AIDA: variants seen among roughly 807,000 people sequenced by gnomAD.
The protein encoded by AIDA is axin interactor, dorsalization-associated protein.
A neutral mutation model predicts 42.7 loss-of-function variants in AIDA; 18 were observed. That is an observed-to-expected ratio of 0.42 (90% CI 0.29 to 0.63). The LOEUF (loss-of-function observed/expected upper bound fraction) is 0.63. Ranked by LOEUF, AIDA falls within the 20% of genes least tolerant of loss-of-function variation. The pLI is 0.19. For missense variants in AIDA, 250 were observed against 354.1 expected (o/e 0.71, Z 2.36); for synonymous variants, 104 against 122.9 (o/e 0.85, Z 1.02).
At chr1:222,703,251 G>A (rs1285172440) in intron 1 of AIDA, 34 bp from the exon 2 acceptor site, 2 of 1,519,030 alleles carry the variant, frequency 1.3e-6, no homozygotes, top group South Asian at 1.2e-5. Flanking sequence ...TAGAATGGAA[G>A]AAAAGCAAAC....
chr1:222,676,285 AG>A, intron 6 of AIDA, 67 bp from the exon 7 acceptor site: 22 of 1,506,428 alleles, frequency 1.5e-5, no homozygotes, highest in Non-Finnish European at 1.9e-5. Context: ...ATGAACACAG[AG>A]AAGATACAGC....
intron 8 of AIDA, 25 bp downstream of exon 8, chr1:222,673,288 C>T (rs1458390965): frequency 2.5e-6 from 4 of 1,583,024 alleles, no homozygotes; most frequent in Non-Finnish European, 3.4e-6. Flanking sequence ...CCATAAGAAG[C>T]CAAGTATTAT....
intron 4 of AIDA, among the ~76,000 whole-genome samples, chr1:222,691,932 T>C (rs1190036329): frequency 2.0e-5 from 3 of 152,242 alleles, no homozygotes; most frequent in Admixed American, 1.3e-4. Context: ...ATCAATGTTT[T>C]GAAAAGGAAA....
chr1:222,676,380 G>A (rs1377178323), intron 6 of AIDA, among the ~76,000 whole-genome samples, 162 bp from the exon 7 acceptor site: 1 of 152,234 alleles, frequency 6.6e-6, no homozygotes, highest in East Asian at 1.9e-4. Context: ...TTTTCCAAAT[G>A]TTTAATTATA....
At chr1:222,703,640 T>C (rs1655768688) in intron 1 of AIDA, among the ~76,000 whole-genome samples, 1 of 152,232 alleles carries the variant, frequency 6.6e-6, no homozygotes, top group Non-Finnish European at 1.5e-5. Context: ...GTAGTAAAAT[T>C]AGTCCTAATC....
intron 7 of AIDA, among the ~76,000 whole-genome samples, chr1:222,675,435 T>C (rs1429510600): frequency 6.6e-6 from 1 of 152,194 alleles, no homozygotes; most frequent in Non-Finnish European, 1.5e-5. Flanking sequence ...AAGGAATAAA[T>C]GAACTGCCAC....
intron 6 of AIDA, among the ~76,000 whole-genome samples, chr1:222,685,096 C>T (rs1558210198): frequency 6.6e-6 from 1 of 152,012 alleles, no homozygotes; most frequent in East Asian, 1.9e-4. Flanking sequence ...TGCCCTTGTA[C>T]CAAAGAAACA....
At chr1:222,696,020 A>T (rs1469565133) in intron 2 of AIDA, among the ~76,000 whole-genome samples, 1 of 152,260 alleles carries the variant, frequency 6.6e-6, no homozygotes, top group Non-Finnish European at 1.5e-5. Flanking sequence ...ACCACTACTG[A>T]GCAAGATACG....
In AIDA at chr1:222,712,212, G is replaced by T. The variant is rs760068942; in HGVS notation, c.106C>A (p.Gln36Lys). ...GQLVEAIDEY[Q>K]ILARHLQKEA... The stretch of plus-strand genomic sequence containing the variant: ...CTCCCGCGGTTAGTCACTCACATCT[G>T]ATACTCGTCTATCGCCTCCACCAGC... The change falls in exon 1 of 10, where the codon CAG becomes AAG. Residue 36 changes from glutamine to lysine, a missense_variant. Transcript: ENST00000340020. 3.7e-6 allele frequency: 6 copies of T among 1,600,676 alleles called. No individual in the cohort carries two copies.
At chr1:222,678,652 T>C (rs1664598312) in intron 6 of AIDA, among the ~76,000 whole-genome samples, 1 of 152,196 alleles carries the variant, frequency 6.6e-6, no homozygotes, top group African/African-American at 2.4e-5. Flanking sequence ...CTTCCCTAAT[T>C]CAAGGTAGAA....
At chr1:222,687,541 C>G (rs1558210952) in intron 5 of AIDA, 54 bp downstream of exon 5, 7 of 1,399,010 alleles carry the variant, frequency 5.0e-6, no homozygotes, top group Non-Finnish European at 5.8e-6. Context: ...CCAGAACTAT[C>G]TGAAAGAGAG....
At chr1:222,700,899 A>G (rs1655671739) in intron 2 of AIDA, among the ~76,000 whole-genome samples, 1 of 151,754 alleles carries the variant, frequency 6.6e-6, no homozygotes, top group South Asian at 2.1e-4. Context: ...AAAGTTGAAG[A>G]AAATTAAGAA....
At position 222,709,459 on chromosome 1, in the gene AIDA, A is replaced by G. The variant is rs186749913; in HGVS notation, c.110+2749T>C. 9.2e-5 allele frequency among the ~76,000 whole-genome samples: 14 copies of G among 152,288 alleles called. No individual in the cohort carries two copies. The East Asian group carries it at 2.5e-3, about 27-fold the overall frequency. ...AAAAACAAAACAAACAAAAAAAGAA[A>G]ATATATTTTTGATTGTGGTAAGTAC... On this transcript the variant is annotated intron_variant, in intron 1 of 9. Coordinates refer to ENST00000340020, the MANE Select transcript of AIDA (RefSeq NM_022831.4).
chr1:222,697,795 T>C (rs1329219428), intron 2 of AIDA, among the ~76,000 whole-genome samples: 2 of 151,778 alleles, frequency 1.3e-5, no homozygotes, highest in East Asian at 1.9e-4. Flanking sequence ...CTTAATTTTT[T>C]AGATTCAAAC....
intron 8 of AIDA, among the ~76,000 whole-genome samples, chr1:222,671,556 T>G (rs1316934791): frequency 6.6e-6 from 1 of 152,098 alleles, no homozygotes; most frequent in East Asian, 1.9e-4. Flanking sequence ...TGTACAGCAT[T>G]GGCACTTGGG....
chr1:222,699,912 C>T (rs1454809480), intron 2 of AIDA, among the ~76,000 whole-genome samples: 2 of 152,038 alleles, frequency 1.3e-5, no homozygotes, highest in African/African-American at 4.8e-5. Context: ...GCTGGGACTA[C>T]AGGTGCCCGC....
intron 4 of AIDA, among the ~76,000 whole-genome samples, chr1:222,689,488 T>TAC (rs1445270413): frequency 2.9e-5 from 1 of 34,308 alleles, no homozygotes; most frequent in Non-Finnish European, 4.8e-5. Flanking sequence ...TGTGTATATA[T>TAC]ATATATATAT....
intron 1 of AIDA, among the ~76,000 whole-genome samples, chr1:222,708,973 A>G (rs1390119822): frequency 4.6e-5 from 7 of 152,106 alleles, no homozygotes; most frequent in Non-Finnish European, 8.8e-5. Context: ...TAAACAAACA[A>G]TGACGTGTGG....
At chr1:222,712,102 C>T in intron 1 of AIDA, 106 bp downstream of exon 1, 1 of 1,517,498 alleles carries the variant, frequency 6.6e-7, no homozygotes, top group East Asian at 2.5e-5. Context: ...GAGCCCCACC[C>T]TGAGAAGCCT....
Sources: gnomAD v4.1 joint callset for allele counts (sites outside exome capture counted in the v4.1 genomes callset) on GRCh38, gnomAD v4.1.1 for gene constraint, MANE v1.5 for transcripts, NCBI Gene and HGNC (gene_info 2026-07-23, HGNC 2026-07-21) for gene names.